PCNX2: variants seen among roughly 807,000 people sequenced by gnomAD.
PCNX2 encodes the protein pecanex 2, also known as pecanex-like protein 2.
In PCNX2, 168 loss-of-function variants were observed where a neutral mutation model predicts 223.8. The observed-to-expected ratio is 0.75, with a 90% CI of 0.66 to 0.85. The LOEUF (loss-of-function observed/expected upper bound fraction) is 0.85, where lower values mean the gene tolerates loss of function less well. PCNX2 is among the 40% of genes least tolerant of loss of function. The probability of loss-of-function intolerance (pLI) is 0.00; values close to 1 mark genes in which losing one functional copy is unlikely to be tolerated. For synonymous variants in PCNX2, 1,006 were observed against 1,052.6 expected, an observed-to-expected ratio of 0.96 and a Z score of 0.86; for missense variants, 2,507 against 2,675.5, an observed-to-expected ratio of 0.94 and a Z score of 1.39.
intron 1 of PCNX2, among the ~76,000 whole-genome samples, chr1:233,275,744 G>A (rs1461470961): frequency 6.6e-6 from 1 of 151,996 alleles, no homozygotes; most frequent in Non-Finnish European, 1.5e-5. Flanking sequence ...AATAGACAAG[G>A]GGTGAGGCTG....
At chr1:233,014,498 C>A (rs778077703) in intron 28 of PCNX2, among the ~76,000 whole-genome samples, 167 bp downstream of exon 28, 10 of 151,590 alleles carry the variant, frequency 6.6e-5, no homozygotes, top group Admixed American at 1.3e-4. Flanking sequence ...GAGCAGTGAT[C>A]AAAAAAAATG....
intron 32 of PCNX2, among the ~76,000 whole-genome samples, chr1:232,988,096 G>C (rs1669558416): frequency 6.6e-6 from 1 of 152,226 alleles, no homozygotes; most frequent in Non-Finnish European, 1.5e-5. Context: ...AAGGAGAGGA[G>C]GAAAGGGACC....
At chr1:233,318,567 T>TC in the PCNX2 span, among the ~76,000 whole-genome samples, 7 of 139,706 alleles carry the variant, frequency 5.0e-5, no homozygotes, top group South Asian at 2.6e-4. Flanking sequence ...CTTTTTCTTT[T>TC]TTTTTTTTTT....
intron 25 of PCNX2, chr1:233,032,124 T>C (rs923838156): frequency 1.1e-6 from 1 of 901,462 alleles, no homozygotes; most frequent in South Asian, 5.1e-5. Context: ...TTTTTTGAGA[T>C]AGAGTTTCAC....
chr1:233,006,366 T>G (rs1382950406), intron 28 of PCNX2, among the ~76,000 whole-genome samples: 1 of 152,154 alleles, frequency 6.6e-6, no homozygotes, highest in Non-Finnish European at 1.5e-5. Flanking sequence ...TGGCTGTGCA[T>G]GTAGAGGGGA....
At chr1:233,102,109 T>C in intron 21 of PCNX2, among the ~76,000 whole-genome samples, 1 of 148,808 alleles carries the variant, frequency 6.7e-6, no homozygotes, top group Admixed American at 6.8e-5. Context: ...TTTTTTTGGC[T>C]CCCATGAGTG....
intron 28 of PCNX2, among the ~76,000 whole-genome samples, chr1:233,009,092 G>A (rs753559571): frequency 3.9e-5 from 6 of 152,126 alleles, no homozygotes; most frequent in African/African-American, 1.2e-4. Flanking sequence ...GGTGAGACTC[G>A]CACAAATCAC....
chr1:233,243,025 T>C (rs1484207679), intron 8 of PCNX2, among the ~76,000 whole-genome samples: 2 of 152,228 alleles, frequency 1.3e-5, no homozygotes, highest in African/African-American at 4.8e-5. Flanking sequence ...ACCTGCTCTA[T>C]GGACAGCTAT....
At chr1:233,278,360 A>G (rs1025559601) in intron 1 of PCNX2, among the ~76,000 whole-genome samples, 3 of 152,198 alleles carry the variant, frequency 2.0e-5, no homozygotes, top group Non-Finnish European at 2.9e-5. Context: ...AGGGCCCCCA[A>G]TCTGGGCTGC....
chr1:233,281,379 G>T (rs1375519198), intron 1 of PCNX2, among the ~76,000 whole-genome samples: 1 of 152,298 alleles, frequency 6.6e-6, no homozygotes, highest in Non-Finnish European at 1.5e-5. Flanking sequence ...TCTGGGGAAA[G>T]AACTGAAACA....
chr1:233,221,966 C>CTTTT (rs2102936691), intron 10 of PCNX2, among the ~76,000 whole-genome samples: 1 of 152,242 alleles, frequency 6.6e-6, no homozygotes, highest in East Asian at 1.9e-4. Context: ...CATCAGTGAA[C>CTTTT]AAAAGAGATG....
Position 233,252,368 on chromosome 1 carries a change from AAG to A in PCNX2, c.2112_2113del (p.Phe705HisfsTer2). 6.2e-7 allele frequency: 1 copy of A among 1,606,730 alleles called. No individual in the cohort carries two copies. Among genetic ancestry groups the A allele is most frequent in the Non-Finnish European group, 8.5e-7 (1 of 1,175,364 alleles). On this transcript the variant is annotated frameshift_variant, in exon 7 of 34. Transcript: ENST00000258229. LOFTEE classifies it high-confidence loss of function. ...CAAAGACTCACCATGTTCATCAATG[AAG>A]ACATGCATAGCATCCACAGATATCT...
rs185510139 is a variant in PCNX2, at chr1:233,289,203, T to A, written c.153+6123A>T. On this transcript the variant is annotated intron_variant, in intron 1 of 33. Transcript: ENST00000258229. ...CTTCCCACTGAACTTTTTCTCCAAT[T>A]CACATACTAGCCGGACTTGGATTTT... 1.5e-5 allele frequency: 13 copies of A among 849,702 alleles called. No individual in the cohort carries two copies. In the African/African-American group the frequency reaches 2.0e-4, roughly 13 times the overall value. The allele number at this position is 849,702 out of a possible 1,614,324, so 52.6% of individuals were successfully genotyped here. A position where few individuals can be genotyped will look rare whatever the true frequency, so the allele number is the denominator to read the frequency against.
At position 233,259,088 on chromosome 1, in the gene PCNX2, G is replaced by A. The variant is rs777576921; in HGVS notation, c.774C>T (p.His258=). The A allele has an allele frequency of 1.2e-6, 2 of 1,613,982 alleles. No individual in the cohort carries two copies. The highest frequency in any genetic ancestry group is 1.7e-6 in the Non-Finnish European group (2 of 1,179,890). ...GTAAGTCATACTGAGACAAAGACAG[G>A]TGGGGCAACTTCTTCAAGGGTCCCT... The part of the protein sequence containing the change: ...VDKGPLKKLP[H]LSLSQYDLLE... Residue 258 remains histidine, a synonymous_variant, in exon 5 of 34, where the codon CAC becomes CAT. Coordinates refer to ENST00000258229, the MANE Select transcript of PCNX2 (RefSeq NM_014801.4).
intron 21 of PCNX2, among the ~76,000 whole-genome samples, chr1:233,106,913 A>C (rs1384082573): frequency 2.6e-5 from 4 of 152,192 alleles, no homozygotes; most frequent in African/African-American, 9.7e-5. Flanking sequence ...AATCTAGTAC[A>C]TATAGGAATA....
intron 1 of PCNX2, among the ~76,000 whole-genome samples, chr1:233,279,470 A>T (rs1661080088): frequency 6.6e-6 from 1 of 151,860 alleles, no homozygotes; most frequent in South Asian, 2.1e-4. Flanking sequence ...TTTATTGTAG[A>T]GACAGAGTTT....
chr1:233,265,035 C>G (rs750110419), intron 1 of PCNX2, among the ~76,000 whole-genome samples: 6 of 151,978 alleles, frequency 3.9e-5, no homozygotes, highest in Non-Finnish European at 7.4e-5. Context: ...CCCAAGAGTT[C>G]AAGAGCAGCC....
At position 233,000,257 on chromosome 1, in the gene PCNX2, T is replaced by C; in HGVS notation, c.5328+48A>G. On this transcript the variant is annotated intron_variant, in intron 30 of 33. Transcript: ENST00000258229. This position sits in a 1 kb window ranked among gnomAD's most constrained non-coding sequence, Gnocchi z 4.6. ...CACCACCATTCTATTTCTTCTCAGA[T>C]AGAGAGACACGAGCCAACAGGGGAC... 1 of 1,548,002 alleles carries C rather than the reference T, an allele frequency of 6.5e-7. No homozygotes were observed. Among genetic ancestry groups the C allele is most frequent in the Non-Finnish European group, 8.9e-7 (1 of 1,120,582 alleles).
At chr1:233,218,597 A>AACCATGAC (rs1410154684) in intron 10 of PCNX2, among the ~76,000 whole-genome samples, 1 of 152,150 alleles carries the variant, frequency 6.6e-6, no homozygotes, top group African/African-American at 2.4e-5. Flanking sequence ...CAAAAAAATG[A>AACCATGAC]ACCATGACAA....
Sources: gnomAD v4.1 joint callset for allele counts (sites outside exome capture counted in the v4.1 genomes callset) on GRCh38, gnomAD v4.1.1 for gene constraint, Gnocchi (gnomAD v3.1) non-coding constraint, MANE v1.5 for transcripts, NCBI Gene and HGNC (gene_info 2026-07-23, HGNC 2026-07-21) for gene names.